The following SRSF4 variants were observed in gnomAD, a reference collection of about 807,000 sequenced individuals.
SRSF4 encodes the protein serine and arginine rich splicing factor 4.
A neutral mutation model predicts 48.8 loss-of-function variants in SRSF4; 12 were observed. The observed-to-expected ratio is 0.25, with a 90% CI of 0.16 to 0.40. The LOEUF (loss-of-function observed/expected upper bound fraction) is 0.40. Ranked by LOEUF, SRSF4 falls within the 10% of genes least tolerant of loss-of-function variation. The pLI, the probability that SRSF4 is intolerant of heterozygous loss-of-function variation, is 1.00. For synonymous variants in SRSF4, 248 were observed against 232.5 expected, an observed-to-expected ratio of 1.07 and a Z score of -0.61; for missense variants, 466 against 667.1, an observed-to-expected ratio of 0.70 and a Z score of 3.32.
intron 1 of SRSF4, among the ~76,000 whole-genome samples, chr1:29,180,367 G>A (rs1672936606): frequency 6.6e-6 from 1 of 152,172 alleles, no homozygotes; most frequent in African/African-American, 2.4e-5. Flanking sequence ...AGTTTTTAAA[G>A]CCTTTTACTG....
intron 1 of SRSF4, among the ~76,000 whole-genome samples, chr1:29,180,808 G>A (rs1265746761): frequency 6.6e-6 from 1 of 152,138 alleles, no homozygotes; most frequent in South Asian, 2.1e-4. Context: ...TATTTTTGCC[G>A]AAGTAGATTA....
chr1:29,167,379 T>A (rs562173436), intron 1 of SRSF4, among the ~76,000 whole-genome samples: 8 of 151,870 alleles, frequency 5.3e-5, no homozygotes, highest in African/African-American at 1.9e-4. Flanking sequence ...TATTCAATTT[T>A]ACGCTTTTTG....
In SRSF4 at chr1:29,148,882, C is replaced by G. The variant is rs2230677; in HGVS notation, c.1013G>C (p.Gly338Ala). ...GCTCCTGCTCCGGCTCCTGCTGCCC[C>G]CTTTGCTCCTGCTCCGGCTCCGACT... ...RQSRSRSRSK[G>A]GSRSRSRSRS... The change falls in exon 6 of 6, where the codon GGG (glycine) becomes GCG (alanine). Residue 338 changes from glycine to alanine, a missense_variant. Physicochemically the swap from Gly to Ala is moderately conservative, Grantham distance 60. Transcript: ENST00000373795. The G allele has an allele frequency of 0.74, 1,191,521 of 1,611,620 alleles. 456,507 individuals carry two copies. Among genetic ancestry groups the G allele is most frequent in the Non-Finnish European group, 0.8 (943,535 of 1,178,930 alleles).
chr1:29,154,972 C>T, intron 3 of SRSF4, 62 bp from the exon 4 acceptor site: 1 of 1,452,212 alleles, frequency 6.9e-7, no homozygotes, highest in South Asian at 1.3e-5. Context: ...CTAATGCAAT[C>T]ATCTGAGTGA....
intron 4 of SRSF4, among the ~76,000 whole-genome samples, chr1:29,152,440 A>G (rs1370202123): frequency 2.0e-5 from 3 of 152,244 alleles, no homozygotes; most frequent in South Asian, 2.1e-4. Context: ...CAAAACCTGA[A>G]AAGTCTCCAG....
chr1:29,149,757 T>G (rs1438384967), intron 5 of SRSF4, among the ~76,000 whole-genome samples: 1 of 149,618 alleles, frequency 6.7e-6, no homozygotes, highest in Non-Finnish European at 1.5e-5. Flanking sequence ...GAAATCCAAG[T>G]GAGGCTGGGC....
intron 1 of SRSF4, chr1:29,171,564 T>C (rs961986335): frequency 1.3e-5 from 2 of 151,906 alleles, no homozygotes; most frequent in African/African-American, 2.4e-5. Flanking sequence ...ACATACTCAG[T>C]TGAAAAATAA....
chr1:29,168,115 A>G (rs1672693735), intron 1 of SRSF4, among the ~76,000 whole-genome samples: 2 of 151,886 alleles, frequency 1.3e-5, no homozygotes, highest in South Asian at 4.2e-4. Flanking sequence ...CCTGGGCTCA[A>G]GCAATTCTTG....
At chr1:29,180,294 T>C (rs896582041) in intron 1 of SRSF4, among the ~76,000 whole-genome samples, 3 of 152,072 alleles carry the variant, frequency 2.0e-5, no homozygotes, top group African/African-American at 4.8e-5. Flanking sequence ...ATGTATACAA[T>C]AACGTCTACC....
At chr1:29,158,803 G>T (rs1483116831) in intron 3 of SRSF4, among the ~76,000 whole-genome samples, 2 of 152,280 alleles carry the variant, frequency 1.3e-5, no homozygotes, top group East Asian at 3.9e-4. Context: ...CTGCACTCCA[G>T]CCTAGGCAAC....
At chr1:29,169,618 A>G (rs1672717121) in intron 1 of SRSF4, 1 of 152,222 alleles carries the variant, frequency 6.6e-6, no homozygotes, top group Non-Finnish European at 1.5e-5. Flanking sequence ...CTTATATCTC[A>G]GCAATGAGAA....
At chr1:29,156,586 A>G (rs948040683) in intron 3 of SRSF4, among the ~76,000 whole-genome samples, 8 of 152,188 alleles carry the variant, frequency 5.3e-5, no homozygotes, top group Admixed American at 2.0e-4. Context: ...GGGTCATGTA[A>G]GTGACCTTAG....
intron 4 of SRSF4, 134 bp from the exon 5 acceptor site, chr1:29,150,326 G>A (rs1273615802): frequency 2.0e-5 from 7 of 350,212 alleles, no homozygotes; most frequent in South Asian, 9.1e-5. Flanking sequence ...GTGCAATGGC[G>A]CGATCTCGGC....
At chr1:29,159,548 GCA>G in intron 2 of SRSF4, 62 bp from the exon 3 acceptor site, 9 of 1,123,772 alleles carry the variant, frequency 8.0e-6, no homozygotes, top group Non-Finnish European at 1.2e-5. Context: ...AAATGACACA[GCA>G]CACACCCCCC....
At chr1:29,167,875 C>T (rs1304673756) in intron 1 of SRSF4, among the ~76,000 whole-genome samples, 1 of 152,160 alleles carries the variant, frequency 6.6e-6, no homozygotes, top group East Asian at 1.9e-4. Flanking sequence ...TATTATTCTT[C>T]TCATTTTACA....
chr1:29,167,200 T>C (rs1399226846), intron 1 of SRSF4, among the ~76,000 whole-genome samples: 3 of 152,238 alleles, frequency 2.0e-5, no homozygotes, highest in African/African-American at 7.2e-5. Flanking sequence ...TAGAAGTCTA[T>C]AACGACTCCT....
At chr1:29,160,233 TCTA>T (rs1672572919) in intron 2 of SRSF4, 139 bp downstream of exon 2, 1 of 995,076 alleles carries the variant, frequency 1.0e-6, no homozygotes, top group African/African-American at 1.7e-5. Context: ...TATTTGTAAT[TCTA>T]CATTTTTAAA....
At chr1:29,149,558 G>A (rs1672370337) in intron 5 of SRSF4, among the ~76,000 whole-genome samples, 1 of 152,072 alleles carries the variant, frequency 6.6e-6, no homozygotes, top group Non-Finnish European at 1.5e-5. Context: ...GCACACGCCT[G>A]TAAACCGAGC....
At chr1:29,149,706 GAAA>G (rs1374557678) in intron 5 of SRSF4, among the ~76,000 whole-genome samples, 1 of 90,590 alleles carries the variant, frequency 1.1e-5, no homozygotes, top group East Asian at 2.4e-4. Flanking sequence ...AAAAAAAAAA[GAAA>G]AAGAAGCTGG....
Sources: allele counts gnomAD v4.1 joint callset (sites outside exome capture counted in the v4.1 genomes callset), GRCh38; gene constraint gnomAD v4.1.1; transcripts MANE v1.5; gene names NCBI Gene and HGNC (gene_info 2026-07-23, HGNC 2026-07-21).